ZNF112: variants seen among roughly 807,000 people sequenced by gnomAD.
ZNF112 encodes zinc finger protein 112.
A neutral mutation model predicts 77.7 loss-of-function variants in ZNF112; 37 were observed. The ratio of observed to expected loss-of-function variants is 0.48; its 90% CI spans 0.37 to 0.63. The LOEUF is 0.63. Ranked by LOEUF, ZNF112 falls within the 20% of genes least tolerant of loss-of-function variation. The pLI is 0.00. For synonymous variants in ZNF112, 333 were observed against 363.6 expected (o/e 0.92, Z 0.96); for missense variants, 950 against 1,077.4 (o/e 0.88, Z 1.66).
chr19:44,364,947 C>T (rs978890631), intron 1 of ZNF112, among the ~76,000 whole-genome samples: 6 of 152,112 alleles, frequency 3.9e-5, no homozygotes, highest in Non-Finnish European at 2.9e-5. Context: ...CTTATAATTT[C>T]TTTGTCTTGT....
At chr19:44,347,969 T>C (rs1290721830) in intron 1 of ZNF112, among the ~76,000 whole-genome samples, 5 of 152,100 alleles carry the variant, frequency 3.3e-5, no homozygotes, top group African/African-American at 7.2e-5. Flanking sequence ...TCACTGGATA[T>C]AGAATTTTGT....
chr19:44,359,315 C>CTTTT (rs767955186), upstream of ZNF112, among the ~76,000 whole-genome samples: 362 of 54,866 alleles, frequency 6.6e-3, 60 homozygotes, highest in Non-Finnish European at 7.7e-3. Context: ...TATTAGAGTT[C>CTTTT]TTTTTTTTTT....
In ZNF112 at chr19:44,328,285, G is replaced by T. The variant is rs1305103806; in HGVS notation, c.1872C>A (p.Val624=). The T allele has an allele frequency of 6.2e-7, 1 of 1,613,520 alleles. No individual in the cohort carries two copies. Among genetic ancestry groups the T allele is most frequent in the Non-Finnish European group, 8.5e-7 (1 of 1,179,882 alleles). The stretch of plus-strand genomic sequence containing the variant: ...ATTTGAATGGTTTTTCTCCAGTGTG[G>T]ACTCTCTGATGGCCTTGAAGGTGTG... ...RSSHLQGHQR[V]HTGEKPFKCE... is the part of the protein sequence containing the mutation. Residue 624 remains valine (V), a synonymous_variant, in exon 4 of 4, where the codon GTC becomes GTA. Transcript: ENST00000354340.
chr19:44,338,017 C>A (rs1231284930), intron 2 of ZNF112, among the ~76,000 whole-genome samples: 2 of 142,990 alleles, frequency 1.4e-5, no homozygotes, highest in Admixed American at 7.0e-5. Context: ...AGAGCCAAGG[C>A]AAAGTAAAGA....
intron 3 of ZNF112, among the ~76,000 whole-genome samples, chr19:44,336,220 A>G (rs1316815064): frequency 6.6e-6 from 1 of 152,220 alleles, no homozygotes. Flanking sequence ...GTATTCTAGA[A>G]TACCCTTCAA....
At chr19:44,356,168 A>G (rs1970782904) in intron 1 of ZNF112, among the ~76,000 whole-genome samples, 1 of 152,200 alleles carries the variant, frequency 6.6e-6, no homozygotes, top group South Asian at 2.1e-4. Flanking sequence ...TCCTTCTCAG[A>G]AAATTAAAAA....
upstream of ZNF112, among the ~76,000 whole-genome samples, chr19:44,360,913 CAGG>C (rs534575964): frequency 4.9e-4 from 75 of 152,264 alleles, no homozygotes; most frequent in African/African-American, 1.8e-3. Context: ...ATGTTCATAG[CAGG>C]ATCATTCATC....
At chr19:44,333,053 G>A (rs538153473) in intron 3 of ZNF112, among the ~76,000 whole-genome samples, 12 of 152,280 alleles carry the variant, frequency 7.9e-5, no homozygotes, top group South Asian at 4.1e-4. Context: ...AAAAGATGCC[G>A]AAGACATCAT....
At chr19:44,335,030 C>A (rs998720080) in intron 3 of ZNF112, among the ~76,000 whole-genome samples, 29 of 152,374 alleles carry the variant, frequency 1.9e-4, no homozygotes, top group African/African-American at 6.3e-4. Context: ...GGAAAAGATG[C>A]AGGCACTCAA....
At chr19:44,330,573 T>C (rs928769284) in intron 3 of ZNF112, among the ~76,000 whole-genome samples, 1 of 152,088 alleles carries the variant, frequency 6.6e-6, no homozygotes, top group Admixed American at 6.6e-5. Flanking sequence ...CCATCTCTAC[T>C]AAAAGTACAA....
Position 44,327,631 on chromosome 19 carries a change from A to C in ZNF112, c.2526T>G (p.Leu842=), listed in dbSNP as rs1356627340. The change falls in exon 4 of 4, where the codon CTT becomes CTG. Residue 842 remains leucine (L), a synonymous_variant. Coordinates refer to ENST00000354340, the MANE Select transcript of ZNF112 (RefSeq NM_013380.4). ...CGKGFSQRSN[L]QAHQRVHTGE... ...CTGTGTGGACTCTCTGGTGAGCCTG[A>C]AGATTTGATCTCTGACTGAAGCCCT... The C allele has an allele frequency of 3.7e-6, 6 of 1,614,052 alleles. No homozygotes were observed. The African/African-American group carries it at 8.0e-5, about 22-fold the overall frequency.
At chr19:44,340,625 A>T in intron 1 of ZNF112, 83 bp from the exon 2 acceptor site, 1 of 1,595,782 alleles carries the variant, frequency 6.3e-7, no homozygotes, top group South Asian at 1.1e-5. Flanking sequence ...GCTGTTCTGG[A>T]GTCTGGGCAA....
Position 44,329,527 on chromosome 19 carries a change from G to C in ZNF112, c.630C>G (p.Leu210=). 1.2e-6 allele frequency: 2 copies of C among 1,614,086 alleles called. No homozygotes were observed. Among genetic ancestry groups the C allele is most frequent in the South Asian group, 1.1e-5 (1 of 91,078 alleles). Reference sequence around the variant, plus strand: ...CTTCCAGTTTATCATTGTGATGTGAGAGCCAACTGACACTGTCACACTTAC... The same window carrying C: ...CTTCCAGTTTATCATTGTGATGTGACAGCCAACTGACACTGTCACACTTAC... ...HFCKCDSVSW[L]SHHNDKLEVH... Residue 210 remains leucine, a synonymous_variant, in exon 4 of 4, where the codon CTC becomes CTG. Coordinates refer to ENST00000354340, the MANE Select transcript of ZNF112 (RefSeq NM_013380.4).
intron 2 of ZNF112, among the ~76,000 whole-genome samples, chr19:44,337,976 TAA>T (rs145125077): frequency 0.024 from 2,482 of 104,430 alleles, 74 homozygotes; most frequent in African/African-American, 0.076. Flanking sequence ...ATTCCCCAGT[TAA>T]AAAAAAAAAA....
intron 1 of ZNF112, among the ~76,000 whole-genome samples, chr19:44,353,057 G>A (rs1970721333): frequency 6.6e-6 from 1 of 151,992 alleles, no homozygotes; most frequent in African/African-American, 2.4e-5. Flanking sequence ...AAATTTGGAA[G>A]AATCAAACTA....
chr19:44,356,356 T>C (rs1970786185), intron 1 of ZNF112, among the ~76,000 whole-genome samples: 1 of 152,032 alleles, frequency 6.6e-6, no homozygotes, highest in African/African-American at 2.4e-5. Context: ...GTGGCAGAGC[T>C]GGTTGATGGT....
At chr19:44,362,955 T>C (rs575392853) in intron 1 of ZNF112, among the ~76,000 whole-genome samples, 290 of 152,200 alleles carry the variant, frequency 1.9e-3, no homozygotes, top group African/African-American at 6.9e-3. Flanking sequence ...AAAACTGTTT[T>C]TCTCAATATT....
Position 44,327,524 on chromosome 19 carries a change from C to G in ZNF112, c.2633G>C (p.Ser878Thr), listed in dbSNP as rs1599905093. 1 of 1,613,998 alleles carries G rather than the reference C, an allele frequency of 6.2e-7. No individual in the cohort carries two copies. Among genetic ancestry groups the G allele is most frequent in the Non-Finnish European group, 8.5e-7 (1 of 1,179,934 alleles). Residue 878 changes from serine to threonine, a missense_variant, in exon 4 of 4, where the codon AGT (serine) becomes ACT (threonine). By Grantham distance (58) the Ser-to-Thr change is moderately conservative (BLOSUM62 1). Transcript: ENST00000354340. ...SGLLIHQRVH[S>T]SDKFYKSEDY... ...TTCGCTTTTATAGAATTTATCACTA[C>G]TATGGACTCTTTGATGAATGAGAAG...
intron 1 of ZNF112, among the ~76,000 whole-genome samples, chr19:44,345,824 T>C (rs1458068825): frequency 5.9e-5 from 9 of 152,296 alleles, no homozygotes; most frequent in South Asian, 2.1e-4. Flanking sequence ...GGCCCTTGCA[T>C]GTGCCACCCC....
Sources: allele counts gnomAD v4.1 joint callset (sites outside exome capture counted in the v4.1 genomes callset), GRCh38; gene constraint gnomAD v4.1.1; transcripts MANE v1.5; gene names NCBI Gene and HGNC (gene_info 2026-07-23, HGNC 2026-07-21).